The following MINK1 variants were observed in gnomAD, a reference collection of about 807,000 sequenced individuals.
MINK1 encodes the protein misshapen like kinase 1.
A neutral mutation model predicts 178.4 loss-of-function variants in MINK1; 46 were observed. The ratio of observed to expected loss-of-function variants is 0.26; its 90% CI spans 0.20 to 0.33. The LOEUF (loss-of-function observed/expected upper bound fraction) is 0.33. Among genes scored for constraint, MINK1 ranks in the 10% least tolerant of loss-of-function variants. MINK1 has a pLI of 1.00. For synonymous variants in MINK1, 797 were observed against 709.7 expected (o/e 1.12, Z -1.96); for missense variants, 1,366 against 1,814.9 (o/e 0.75, Z 4.49).
intron 1 of MINK1, among the ~76,000 whole-genome samples, chr17:4,837,244 T>A (rs1260967279): frequency 2.0e-5 from 3 of 152,172 alleles, no homozygotes; most frequent in Admixed American, 1.3e-4. Flanking sequence ...TTGGCTGTTT[T>A]GTTCATTTTT....
At chr17:4,884,746 C>A (rs1273553931) in intron 5 of MINK1, among the ~76,000 whole-genome samples, 166 bp from the exon 6 acceptor site, 1 of 152,202 alleles carries the variant, frequency 6.6e-6, no homozygotes, top group East Asian at 1.9e-4. Context: ...TCTGAGGAAG[C>A]TCTCCAGGAC....
intron 1 of MINK1, among the ~76,000 whole-genome samples, chr17:4,867,402 C>T (rs537130355): frequency 9.2e-5 from 14 of 151,834 alleles, no homozygotes. Flanking sequence ...GTAATCCTAA[C>T]ACTTTGAAAG....
chr17:4,844,511 A>G (rs1037393268), intron 1 of MINK1: 8 of 477,940 alleles, frequency 1.7e-5, no homozygotes, highest in African/African-American at 1.6e-4. Flanking sequence ...TCTGTGTCTT[A>G]ATAGAGGACA....
In MINK1 at chr17:4,895,314, C is replaced by T. The variant is rs1969334352; in HGVS notation, c.3086-36C>T. The T allele has an allele frequency of 6.2e-7, 1 of 1,604,322 alleles. No homozygotes were observed. On this transcript the variant is annotated intron_variant, in intron 25 of 31. Coordinates refer to ENST00000355280, the MANE Select transcript of MINK1 (RefSeq NM_153827.5). This position sits in a 1 kb window ranked among gnomAD's most constrained non-coding sequence, Gnocchi z 4.3. ...TGCTCCTGGTTAGGTGAGGGCCTGG[C>T]TGAGCCTCTGACCTGCCCAAGGGCT...
chr17:4,843,230 AC>A (rs1597378715), intron 1 of MINK1, among the ~76,000 whole-genome samples: 2 of 152,276 alleles, frequency 1.3e-5, no homozygotes, highest in East Asian at 3.9e-4. Context: ...TAATCCCAGC[AC>A]TTTGGGAGGC....
intron 4 of MINK1, 115 bp downstream of exon 4, chr17:4,881,372 T>TAG: frequency 1.6e-6 from 2 of 1,222,362 alleles, no homozygotes; most frequent in Non-Finnish European, 2.3e-6. Context: ...CTCCCTCCGG[T>TAG]CTACCCAGCC....
In MINK1 at chr17:4,885,772, A is replaced by G. The variant is rs1461185392; in HGVS notation, c.640-139A>G. 3 of 1,385,728 alleles carry G rather than the reference A, an allele frequency of 2.2e-6. No individual in the cohort carries two copies. The highest frequency in any genetic ancestry group is 2.0e-6 in the Non-Finnish European group (2 of 1,008,288). 85.8% of individuals were successfully genotyped at this position (1,385,728 alleles called of 1,614,324 possible). A position where few individuals can be genotyped will look rare whatever the true frequency, so the allele number is the denominator to read the frequency against. ...CGGCAAGGCAAGTGTGGGTGGGAAG[A>G]TGGGATGGGTTGGAAGGCACTGCTG... is the stretch of plus-strand genomic sequence containing the variant. On this transcript the variant is annotated intron_variant, in intron 7 of 31. Coordinates refer to ENST00000355280, the MANE Select transcript of MINK1 (RefSeq NM_153827.5). This position sits in a 1 kb window ranked among gnomAD's most constrained non-coding sequence, Gnocchi z 5.0.
chr17:4,887,684 TGCAGCA>T lies in MINK1; in HGVS notation c.1136_1141del (p.Gln379_Gln380del). ...GAGGCTTTAAAACAGCAGCAGCAGC[TGCAGCA>T]GCAGCAGCAGCGAGACCCCGAGGCA... On this transcript the variant is annotated inframe_deletion, in exon 12 of 32. Transcript: ENST00000355280. The surrounding 1 kb of genome is among the most constrained non-coding windows in gnomAD (Gnocchi z 7.6). 2 of 1,561,086 alleles carry T rather than the reference TGCAGCA, an allele frequency of 1.3e-6. No homozygotes were observed. The highest frequency in any genetic ancestry group is 1.7e-6 in the Non-Finnish European group (2 of 1,154,346).
Position 4,889,780 on chromosome 17 carries a change from G to GCATCCCTGC in MINK1, c.1347+19_1347+27dup, listed in dbSNP as rs1429042092. ...CGCGAGCAGGTAGAGCGCCGCACCC[G>GCATCCCTGC]CATCCCTGCCCTCCCGCCCTCCCGC... is the stretch of plus-strand genomic sequence containing the variant. On this transcript the variant is annotated intron_variant, in intron 13 of 31. Coordinates refer to ENST00000355280, the MANE Select transcript of MINK1 (RefSeq NM_153827.5). The GCATCCCTGC allele has an allele frequency of 1.4e-5, 21 of 1,507,732 alleles. No individual in the cohort carries two copies. Among genetic ancestry groups the GCATCCCTGC allele is most frequent in the Non-Finnish European group, 1.9e-5 (21 of 1,128,520 alleles). 93.4% of individuals were successfully genotyped at this position (1,507,732 alleles called of 1,614,324 possible).
At chr17:4,881,763 G>T (rs1230685843) in intron 4 of MINK1, among the ~76,000 whole-genome samples, 4 of 152,210 alleles carry the variant, frequency 2.6e-5, no homozygotes, top group African/African-American at 2.4e-5. Flanking sequence ...AGAGCTTGGG[G>T]CCTCCCCCAA....
At position 4,897,899 on chromosome 17, in the gene MINK1, T is replaced by C. The variant is rs8834; in HGVS notation, c.*612T>C. On this transcript the variant is annotated 3_prime_UTR_variant, in exon 32 of 32. Coordinates refer to ENST00000355280, the MANE Select transcript of MINK1 (RefSeq NM_153827.5). ...TCTTCTAGCCCATGCCCTTCCCCGG[T>C]GGAGGGAGGGAGCAGGGAGCCCTCA... 0.36 allele frequency: 51,770 copies of C among 145,814 alleles called. 9,519 individuals are homozygous for C. Among genetic ancestry groups the C allele is most frequent in the South Asian group, 0.63 (2,897 of 4,610 alleles). 9.0% of individuals were successfully genotyped at this position (145,814 alleles called of 1,614,324 possible).
intron 1 of MINK1, chr17:4,857,207 G>T: frequency 3.2e-6 from 1 of 316,532 alleles, no homozygotes. Context: ...TGACCACTGG[G>T]ATGATGGACT....
chr17:4,845,789 C>T (rs896142778), intron 1 of MINK1, among the ~76,000 whole-genome samples: 3 of 152,154 alleles, frequency 2.0e-5, no homozygotes, highest in African/African-American at 4.8e-5. Flanking sequence ...TACAGGCATG[C>T]GTCACCACGC....
rs1175881351 is a variant in MINK1, at chr17:4,896,289, C to T, written c.3562C>T (p.His1188Tyr). ...CATCTATGGCTCCAGTGCTGGCTTC[C>T]ATGCTGTGGATGTCGACTCGGGGAA... ...KVIYGSSAGF[H>Y]AVDVDSGNSY... Residue 1188 changes from histidine to tyrosine, a missense_variant, in exon 29 of 32, where the codon CAT (histidine) becomes TAT (tyrosine). Coordinates refer to ENST00000355280, the MANE Select transcript of MINK1 (RefSeq NM_153827.5). The surrounding 1 kb of genome is among the most constrained non-coding windows in gnomAD (Gnocchi z 4.6). 6.2e-7 allele frequency: 1 copy of T among 1,605,858 alleles called. No homozygotes were observed. The highest frequency in any genetic ancestry group is 8.5e-7 in the Non-Finnish European group (1 of 1,175,600).
rs1318274113 is a variant in MINK1, at chr17:4,889,775, C to T, written c.1347+12C>T. On this transcript the variant is annotated intron_variant, in intron 13 of 31. Transcript: ENST00000355280. ...CGGAGCGCGAGCAGGTAGAGCGCCG[C>T]ACCCGCATCCCTGCCCTCCCGCCCT... The T allele has an allele frequency of 4.6e-6, 7 of 1,516,788 alleles. No individual in the cohort carries two copies. Among genetic ancestry groups the T allele is most frequent in the Non-Finnish European group, 6.2e-6 (7 of 1,134,020 alleles). The allele number at this position is 1,516,788 out of a possible 1,614,324, so 94.0% of individuals were successfully genotyped here.
At chr17:4,890,082 T>A in intron 13 of MINK1, 1 of 391,140 alleles carries the variant, frequency 2.6e-6, no homozygotes, top group African/African-American at 2.5e-5. Context: ...TCCCCTCCCC[T>A]ACCTCTCTCT....
At chr17:4,883,884 G>T (rs2151006265) in intron 4 of MINK1, among the ~76,000 whole-genome samples, 1 of 151,904 alleles carries the variant, frequency 6.6e-6, no homozygotes, top group African/African-American at 2.4e-5. Context: ...ATCCCAATGA[G>T]AATCTGATGA....
intron 1 of MINK1, among the ~76,000 whole-genome samples, chr17:4,873,856 A>G (rs570244832): frequency 2.0e-5 from 3 of 151,952 alleles, no homozygotes; most frequent in Admixed American, 6.6e-5. Flanking sequence ...CTGACGTCTG[A>G]TGATCCGGCG....
At chr17:4,868,414 C>T (rs1379648082) in intron 1 of MINK1, among the ~76,000 whole-genome samples, 1 of 152,062 alleles carries the variant, frequency 6.6e-6, no homozygotes, top group Non-Finnish European at 1.5e-5. Context: ...TCTCTTCATC[C>T]CCCTGCCCTT....
Sources: allele counts gnomAD v4.1 joint callset (sites outside exome capture counted in the v4.1 genomes callset), GRCh38; gene constraint gnomAD v4.1.1; non-coding constraint Gnocchi (gnomAD v3.1); transcripts MANE v1.5; gene names NCBI Gene and HGNC (gene_info 2026-07-23, HGNC 2026-07-21).